PFKP: variants seen among roughly 807,000 people sequenced by gnomAD.
PFKP encodes the protein ATP-dependent 6-phosphofructokinase, platelet type.
PFKP carries 101 observed loss-of-function variants against 94.3 expected under a neutral mutation model. That is an observed-to-expected ratio of 1.07 (90% CI 0.91 to 1.26). PFKP has a LOEUF of 1.26. Among genes scored for constraint, PFKP ranks in the 50% most tolerant of loss-of-function variants. PFKP has a pLI of 0.00. For missense variants in PFKP, 1,145 were observed against 1,103.3 expected, an observed-to-expected ratio of 1.04 and a Z score of -0.53; for synonymous variants, 573 against 432.6, an observed-to-expected ratio of 1.32 and a Z score of -4.03.
At chr10:3,073,335 A>G (rs1372205700) in intron 1 of PFKP, among the ~76,000 whole-genome samples, 5 of 151,872 alleles carry the variant, frequency 3.3e-5, no homozygotes, top group South Asian at 4.2e-4. Context: ...GAAAGTGTTC[A>G]GGAGGAAAAG....
intron 1 of PFKP, among the ~76,000 whole-genome samples, chr10:3,080,696 G>C (rs1488716703): frequency 6.0e-5 from 9 of 150,336 alleles, no homozygotes; most frequent in Admixed American, 5.9e-4. Context: ...TACTTCATTT[G>C]TTTTTTTTCT....
chr10:3,120,710 A>G (rs938667888), intron 16 of PFKP, among the ~76,000 whole-genome samples: 3 of 152,100 alleles, frequency 2.0e-5, no homozygotes, highest in Non-Finnish European at 4.4e-5. Context: ...CCCAGGCTTG[A>G]GTGCGGTGGT....
chr10:3,114,284 A>G (rs1246211884), intron 13 of PFKP, among the ~76,000 whole-genome samples: 3 of 151,980 alleles, frequency 2.0e-5, no homozygotes, highest in African/African-American at 7.3e-5. Context: ...TGAGTAGCTG[A>G]AATTACAGGC....
chr10:3,101,386 G>A lies in PFKP; in HGVS notation c.286G>A (p.Ala96Thr). The A allele has an allele frequency of 6.3e-7, 1 of 1,594,610 alleles. No individual in the cohort carries two copies. The highest frequency in any genetic ancestry group is 1.8e-4 in the Middle Eastern group (1 of 5,470). ...LQVGGTIIGS[A>T]RCQAFRTREG... ...CCAGGGCGGGACGATCATTGGCAGT[G>A]CGCGGTGCCAGGCCTTCCGCACGCG... The change falls in exon 4 of 22, where the codon GCG (alanine) becomes ACG (threonine). Residue 96 changes from alanine to threonine, a missense_variant. Physicochemically the swap from Ala to Thr is moderately conservative, Grantham distance 58. Coordinates refer to ENST00000381125, the MANE Select transcript of PFKP (RefSeq NM_002627.5).
At chr10:3,134,053 C>G (rs990872943) in intron 19 of PFKP, among the ~76,000 whole-genome samples, 3 of 152,182 alleles carry the variant, frequency 2.0e-5, no homozygotes, top group Non-Finnish European at 4.4e-5. Flanking sequence ...CTTGCACACA[C>G]TCCTTCCTCA....
intron 2 of PFKP, among the ~76,000 whole-genome samples, chr10:3,090,320 A>T (rs1833943587): frequency 6.6e-6 from 1 of 152,224 alleles, no homozygotes; most frequent in South Asian, 2.1e-4. Context: ...TGCATAAATC[A>T]ACCTTTCATT....
intron 2 of PFKP, among the ~76,000 whole-genome samples, chr10:3,096,462 G>GC (rs972672526): frequency 3.1e-4 from 47 of 152,162 alleles, no homozygotes; most frequent in African/African-American, 1.1e-3. Flanking sequence ...TTTTGCCGGA[G>GC]CCCCAGGTTT....
rs554788681 is a variant in PFKP at position 3,097,641 on chromosome 10, G to A, written c.187-1634G>A. 2.6e-5 allele frequency among the ~76,000 whole-genome samples: 4 copies of A among 152,284 alleles called. No individual in the cohort carries two copies. In the East Asian group the frequency reaches 7.7e-4, roughly 29 times the overall value. ...GCCAGCGCTGAAATGAACCAGCTCT[G>A]TTTTGGGTTCTGTTCCATTCCAGAC... On this transcript the variant is annotated intron_variant, in intron 2 of 21. Transcript: ENST00000381125.
chr10:3,133,361 C>A, intron 19 of PFKP, 47 bp downstream of exon 19: 1 of 1,168,516 alleles, frequency 8.6e-7, no homozygotes, highest in Non-Finnish European at 1.3e-6. Context: ...TGTCATGTGA[C>A]TTTTAAAAGA....
At chr10:3,125,315 G>A (rs1165013917) in intron 16 of PFKP, 2 of 1,088,518 alleles carry the variant, frequency 1.8e-6, no homozygotes, top group Non-Finnish European at 2.4e-6. Context: ...TTTCTTCTGT[G>A]CTAAGGATGA....
At chr10:3,100,630 C>T (rs958611254) in intron 3 of PFKP, among the ~76,000 whole-genome samples, 5 of 152,154 alleles carry the variant, frequency 3.3e-5, no homozygotes, top group Admixed American at 2.6e-4. Flanking sequence ...TGCTTATGAG[C>T]ACCTTGCTTG....
At chr10:3,088,084 T>G (rs1222025157) in intron 2 of PFKP, among the ~76,000 whole-genome samples, 13 of 150,832 alleles carry the variant, frequency 8.6e-5, no homozygotes, top group African/African-American at 1.2e-4. Flanking sequence ...CCATGTTGGT[T>G]TGCTGCACCC....
chr10:3,105,246 A>T, intron 6 of PFKP, 87 bp downstream of exon 6: 1 of 1,404,024 alleles, frequency 7.1e-7, no homozygotes, highest in Non-Finnish European at 1.0e-6. Context: ...CACATCCTGA[A>T]TGCTCCCGTG....
intron 19 of PFKP, 141 bp downstream of exon 19, chr10:3,133,455 G>C: frequency 1.5e-6 from 1 of 652,410 alleles, no homozygotes; most frequent in East Asian, 2.9e-5. Flanking sequence ...TTTTGAGACA[G>C]AGTCTTGCTC....
In PFKP at chr10:3,095,696, TAAG is replaced by T. The variant is rs202094940; in HGVS notation, c.187-3574_187-3572del. On this transcript the variant is annotated intron_variant, in intron 2 of 21. Coordinates refer to ENST00000381125, the MANE Select transcript of PFKP (RefSeq NM_002627.5). ...GTAGTAAGATAAATATTCAGCCTTC[TAAG>T]AAGACTTCAAAAGAGAAAACTCATC... 8.9e-4 allele frequency among the ~76,000 whole-genome samples: 136 copies of T among 152,368 alleles called. 2 individuals are homozygous for T. In the East Asian group the frequency reaches 0.025, roughly 28 times the overall value.
chr10:3,072,426 C>T (rs1045140178), intron 1 of PFKP, among the ~76,000 whole-genome samples: 48 of 152,204 alleles, frequency 3.2e-4, no homozygotes, highest in East Asian at 1.9e-4. Flanking sequence ...TTGCCTCCCA[C>T]GGCTCTGGGC....
rs1206093218 is a variant in PFKP at position 3,067,760 on chromosome 10, A to AGG, written c.112+54_112+55insGG. On this transcript the variant is annotated intron_variant, in intron 1 of 21. Coordinates refer to ENST00000381125, the MANE Select transcript of PFKP (RefSeq NM_002627.5). ...GAGGGACGGACGGACGGAGCTGGGGAGAACCGGGCGAAGGCGATGGGGTGA... is the reference window on the plus strand; with the variant it reads ...GAGGGACGGACGGACGGAGCTGGGGAGGGAACCGGGCGAAGGCGATGGGGTGA... The AGG allele has an allele frequency of 1.9e-3, 1,910 of 987,046 alleles. 36 individuals carry two copies. The highest frequency in any genetic ancestry group is 7.8e-3 in the East Asian group (235 of 30,026). 61.1% of individuals were successfully genotyped at this position (987,046 alleles called of 1,614,324 possible).
At chr10:3,080,538 AAAGAG>A (rs1832985358) in intron 1 of PFKP, among the ~76,000 whole-genome samples, 1 of 129,214 alleles carries the variant, frequency 7.7e-6, no homozygotes. Context: ...AAAAAAAAAA[AAAGAG>A]AATATTGAAA....
At position 3,101,493 on chromosome 10, in the gene PFKP, C is replaced by T. The variant is rs562194764; in HGVS notation, c.393C>T (p.Leu131=). The part of the protein sequence containing the change: ...NLCVIGGDGS[L]TGANLFRKEW... ...GTGTGATCGGCGGGGACGGGAGCCT[C>T]ACCGGGGCCAACCTCTTCCGGAAGG... Residue 131 remains leucine (L), a synonymous_variant, in exon 4 of 22, where the codon CTC becomes CTT. Transcript: ENST00000381125. 6.3e-6 allele frequency: 10 copies of T among 1,599,724 alleles called. No homozygotes were observed. In the African/African-American group the frequency reaches 8.0e-5, roughly 13 times the overall value.
Sources: gnomAD v4.1 joint callset for allele counts (sites outside exome capture counted in the v4.1 genomes callset) on GRCh38, gnomAD v4.1.1 for gene constraint, MANE v1.5 for transcripts, NCBI Gene and HGNC (gene_info 2026-07-23, HGNC 2026-07-21) for gene names.